The following DLC1 variants were observed in gnomAD, a reference collection of about 807,000 sequenced individuals.
DLC1 encodes the protein DLC1 Rho GTPase activating protein, also known as rho GTPase-activating protein 7.
Under a neutral mutation model 140.3 loss-of-function variants are expected in DLC1, and 54 were observed. The observed-to-expected ratio is 0.38, with a 90% CI of 0.31 to 0.48. DLC1 has a LOEUF of 0.48. Among genes scored for constraint, DLC1 ranks in the 20% least tolerant of loss-of-function variants. The pLI is 0.96. For missense variants in DLC1, 2,536 were observed against 1,907.0 expected, an observed-to-expected ratio of 1.33 and a Z score of -6.14; for synonymous variants, 986 against 728.1, an observed-to-expected ratio of 1.35 and a Z score of -5.70.
chr8:13,532,571 T>C (rs893491778), intron 1 of DLC1, among the ~76,000 whole-genome samples: 3 of 142,672 alleles, frequency 2.1e-5, no homozygotes, highest in Non-Finnish European at 4.8e-5. Context: ...GCACAGGCTC[T>C]CTCTCTTTCT....
intron 5 of DLC1, among the ~76,000 whole-genome samples, chr8:13,189,019 C>A (rs955110693): frequency 5.3e-5 from 8 of 151,106 alleles, no homozygotes; most frequent in Admixed American, 4.0e-4. Flanking sequence ...AAATAAAAAT[C>A]CCTATGGACC....
chr8:13,189,822 C>T (rs969468334), intron 5 of DLC1, among the ~76,000 whole-genome samples: 5 of 151,896 alleles, frequency 3.3e-5, no homozygotes, highest in African/African-American at 1.2e-4. Flanking sequence ...GCAGAGGTTG[C>T]GGTGAGCCAA....
chr8:13,600,527 G>A (rs189931182), intron 1 of DLC1, among the ~76,000 whole-genome samples: 5 of 151,922 alleles, frequency 3.3e-5, no homozygotes, highest in Non-Finnish European at 5.9e-5. Context: ...TTACTAGCAC[G>A]GTTCTCCAGC....
chr8:13,460,614 C>T (rs946994951), intron 2 of DLC1, among the ~76,000 whole-genome samples: 4 of 152,088 alleles, frequency 2.6e-5, no homozygotes, highest in African/African-American at 9.7e-5. Context: ...CAGGAAAGGA[C>T]AAGAGAAAAG....
At chr8:13,541,824 C>G (rs1803495791) in intron 1 of DLC1, among the ~76,000 whole-genome samples, 1 of 152,310 alleles carries the variant, frequency 6.6e-6, no homozygotes, top group African/African-American at 2.4e-5. Flanking sequence ...GCTGGGATTA[C>G]AGGCATGAAC....
intron 4 of DLC1, among the ~76,000 whole-genome samples, chr8:13,370,074 ATTGT>A (rs1382551428): frequency 1.3e-5 from 2 of 150,708 alleles, no homozygotes; most frequent in African/African-American, 2.4e-5. Context: ...AGGTATGTAC[ATTGT>A]TTGTTTTCTC....
intron 4 of DLC1, among the ~76,000 whole-genome samples, chr8:13,335,120 TAAG>T (rs1405426228): frequency 6.6e-6 from 1 of 152,128 alleles, no homozygotes; most frequent in Non-Finnish European, 1.5e-5. Flanking sequence ...AAGGTGTTTT[TAAG>T]ACTATGGGGG....
chr8:13,447,082 C>G (rs1344141077), intron 2 of DLC1, among the ~76,000 whole-genome samples: 1 of 152,136 alleles, frequency 6.6e-6, no homozygotes, highest in Non-Finnish European at 1.5e-5. Flanking sequence ...TAAACTTTCC[C>G]TGTGTGTAGA....
At chr8:13,576,089 A>G (rs961999813) in intron 1 of DLC1, among the ~76,000 whole-genome samples, 1 of 152,214 alleles carries the variant, frequency 6.6e-6, no homozygotes, top group Non-Finnish European at 1.5e-5. Flanking sequence ...TCAGCTAAAT[A>G]TACTGGCCCT....
At chr8:13,433,235 C>A (rs1270541101) in intron 2 of DLC1, among the ~76,000 whole-genome samples, 1 of 151,912 alleles carries the variant, frequency 6.6e-6, no homozygotes, top group Non-Finnish European at 1.5e-5. Context: ...GTTTTTTGAC[C>A]CATGACTCTA....
chr8:13,293,272 C>T (rs1212350951), intron 5 of DLC1, among the ~76,000 whole-genome samples: 1 of 152,008 alleles, frequency 6.6e-6, no homozygotes, highest in Non-Finnish European at 1.5e-5. Flanking sequence ...AGCCAAATGG[C>T]ATGTTCAGGA....
Position 13,090,273 on chromosome 8 carries a change from C to T in DLC1, c.4053G>A (p.Gln1351=). The part of the protein sequence containing the change: ...KGWVSYSTSE[Q]AELSYKKVSE... ...TTACCTTCTTATAGGACAGCTCAGC[C>T]TGCTCCGAAGTGGAGTAGCTGACCC... is the stretch of plus-strand genomic sequence containing the variant. Residue 1351 remains glutamine, a synonymous_variant, in exon 15 of 18, where the codon CAG becomes CAA. Transcript: ENST00000276297. The T allele has an allele frequency of 6.2e-7, 1 of 1,614,176 alleles. No individual in the cohort carries two copies. Among genetic ancestry groups the T allele is most frequent in the Non-Finnish European group, 8.5e-7 (1 of 1,180,016 alleles).
At chr8:13,096,724 A>G (rs995818600) in intron 10 of DLC1, among the ~76,000 whole-genome samples, 1 of 152,210 alleles carries the variant, frequency 6.6e-6, no homozygotes, top group Non-Finnish European at 1.5e-5. Context: ...TAAATCTGCT[A>G]TGAGTCCTAA....
At chr8:13,543,268 G>T (rs1257133852) in intron 1 of DLC1, among the ~76,000 whole-genome samples, 1 of 152,096 alleles carries the variant, frequency 6.6e-6, no homozygotes, top group Non-Finnish European at 1.5e-5. Context: ...ATACAACTTT[G>T]TAGTCTTTCG....
At chr8:13,271,611 G>A (rs922442917) in intron 5 of DLC1, among the ~76,000 whole-genome samples, 2 of 152,190 alleles carry the variant, frequency 1.3e-5, no homozygotes, top group African/African-American at 2.4e-5. Flanking sequence ...TTGCATAGAG[G>A]TTTGCCTAAA....
rs1800319094 is a variant in DLC1, at chr8:13,473,856, A to C, written c.1023+25193T>G. 2.0e-5 allele frequency among the ~76,000 whole-genome samples: 3 copies of C among 152,318 alleles called. No individual in the cohort carries two copies. The South Asian group carries it at 6.2e-4, about 32-fold the overall frequency. ...GAAATTTCTAAGCAGCAAAGTATTC[A>C]AGAGGTGTCTTGGGTGCTGTTAAAG... On this transcript the variant is annotated intron_variant, in intron 2 of 17. Coordinates refer to ENST00000276297, the MANE Select transcript of DLC1 (RefSeq NM_182643.3).
chr8:13,122,632 T>C (rs1197927650), intron 5 of DLC1, among the ~76,000 whole-genome samples: 1 of 152,148 alleles, frequency 6.6e-6, no homozygotes. Flanking sequence ...TCAGGAGTTA[T>C]CTATGTAAAA....
chr8:13,219,624 TC>T (rs950023458), intron 5 of DLC1, among the ~76,000 whole-genome samples: 1 of 151,724 alleles, frequency 6.6e-6, no homozygotes, highest in Admixed American at 6.6e-5. Context: ...CTTCACTAAT[TC>T]CTTGGAGATA....
intron 8 of DLC1, among the ~76,000 whole-genome samples, chr8:13,102,283 C>T (rs1819159819): frequency 6.6e-6 from 1 of 152,180 alleles, no homozygotes. Context: ...CACCATTTGA[C>T]TAAACTGTGT....
Sources: gnomAD v4.1 joint callset for allele counts (sites outside exome capture counted in the v4.1 genomes callset) on GRCh38, gnomAD v4.1.1 for gene constraint, MANE v1.5 for transcripts, NCBI Gene and HGNC (gene_info 2026-07-23, HGNC 2026-07-21) for gene names.